SLC38A11: variants seen among roughly 807,000 people sequenced by gnomAD.
SLC38A11 encodes solute carrier family 38 member 11, also known as putative sodium-coupled neutral amino acid transporter 11.
In SLC38A11, 51 loss-of-function variants were observed where a neutral mutation model predicts 49.4. The observed-to-expected ratio is 1.03, with a 90% CI of 0.83 to 1.30. The LOEUF (loss-of-function observed/expected upper bound fraction) is 1.30. SLC38A11 is among the 50% of genes most tolerant of loss of function. The pLI is 0.00. For synonymous variants in SLC38A11, 203 were observed against 192.9 expected (o/e 1.05, Z -0.43); for missense variants, 574 against 556.2 (o/e 1.03, Z -0.32).
intron 3 of SLC38A11, among the ~76,000 whole-genome samples, chr2:164,949,509 C>T (rs1401208448): frequency 1.3e-5 from 2 of 152,196 alleles, no homozygotes; most frequent in African/African-American, 2.4e-5. Context: ...CCACGTGCCT[C>T]GGCCTCTCAA....
At position 164,910,268 on chromosome 2, in the gene SLC38A11, T is replaced by C. The variant is rs1414932934; in HGVS notation, c.963+1368A>G. On this transcript the variant is annotated intron_variant, in intron 10 of 11. Transcript: ENST00000685975. ...AAGTTTCAAGTACTAAACACAGAAG[T>C]TGTGCAGGTGAAGTGACTCAGATCG... Among the ~76,000 whole-genome samples, 6 of 152,168 alleles carry C rather than the reference T, an allele frequency of 3.9e-5. No individual in the cohort carries two copies. In the South Asian group the frequency reaches 6.2e-4, roughly 16 times the overall value.
intron 9 of SLC38A11, among the ~76,000 whole-genome samples, chr2:164,913,640 A>G (rs1347366278): frequency 6.8e-6 from 1 of 147,110 alleles, no homozygotes; most frequent in South Asian, 2.2e-4. Context: ...ACTGATAAAA[A>G]CTCCAGGAAG....
chr2:164,916,981 G>A (rs1172322433), intron 7 of SLC38A11, among the ~76,000 whole-genome samples: 2 of 152,144 alleles, frequency 1.3e-5, no homozygotes, highest in Admixed American at 6.6e-5. Context: ...TTAAGTGACT[G>A]TGTAGATTAA....
Position 164,896,516 on chromosome 2 carries a change from G to A in SLC38A11, c.*1921C>T, listed in dbSNP as rs1279640105. The A allele has an allele frequency of 1.3e-5, 2 of 152,126 alleles. No homozygotes were observed. The highest frequency in any genetic ancestry group is 4.8e-5 in the African/African-American group (2 of 41,442). 9.4% of individuals were successfully genotyped at this position (152,126 alleles called of 1,614,324 possible). ...TCAGTGTTTCTCAGTCTTGAGCAAT[G>A]TAATGACAGACTGTGGCAAAAATTT... On this transcript the variant is annotated 3_prime_UTR_variant, in exon 12 of 12. Transcript: ENST00000685975.
chr2:164,945,321 A>G (rs1294850647), intron 4 of SLC38A11, among the ~76,000 whole-genome samples: 2 of 139,398 alleles, frequency 1.4e-5, no homozygotes, highest in Non-Finnish European at 3.1e-5. Flanking sequence ...TTCACTCTTT[A>G]TTCTAGGTCA....
chr2:164,928,407 G>A (rs1250455822), intron 7 of SLC38A11, among the ~76,000 whole-genome samples: 1 of 152,092 alleles, frequency 6.6e-6, no homozygotes, highest in Admixed American at 6.6e-5. Context: ...CAAGTTGAAT[G>A]GGCTAAAACC....
chr2:164,914,963 C>G (rs1685667010), intron 9 of SLC38A11, 149 bp downstream of exon 9: 2 of 630,066 alleles, frequency 3.2e-6, no homozygotes, highest in South Asian at 3.9e-5. Flanking sequence ...AGGAAACAGA[C>G]AGCAGGGGGG....
chr2:164,945,742 T>G lies in SLC38A11; in HGVS notation c.230-15A>C. 6.3e-7 allele frequency: 1 copy of G among 1,599,192 alleles called. No individual in the cohort carries two copies. Among genetic ancestry groups the G allele is most frequent in the South Asian group, 1.2e-5 (1 of 86,926 alleles). On this transcript the variant is annotated splice_polypyrimidine_tract_variant and intron_variant, in intron 3 of 11. Coordinates refer to ENST00000685975, the MANE Select transcript of SLC38A11 (RefSeq NM_001351537.2). ...AAGGGAAAAGTCTGTGGCAAGAACA[T>G]CAATTAAATGTCAGATTACATGTAA...
chr2:164,953,241 G>A (rs927653257), intron 2 of SLC38A11: 2 of 152,414 alleles, frequency 1.3e-5, no homozygotes, highest in African/African-American at 4.8e-5. Flanking sequence ...TACTATGTAG[G>A]AAAAAAATGA....
intron 7 of SLC38A11, among the ~76,000 whole-genome samples, chr2:164,926,698 T>C (rs1302616850): frequency 6.6e-6 from 1 of 151,656 alleles, no homozygotes; most frequent in East Asian, 1.9e-4. Flanking sequence ...AAAGGATGAG[T>C]TCATGTCCTT....
chr2:164,939,915 C>G (rs1279996455), intron 5 of SLC38A11, among the ~76,000 whole-genome samples: 1 of 151,292 alleles, frequency 6.6e-6, no homozygotes, highest in Admixed American at 6.6e-5. Context: ...AACATTATGT[C>G]ACTCCCTGCC....
intron 7 of SLC38A11, among the ~76,000 whole-genome samples, chr2:164,931,796 G>A (rs753597544): frequency 6.6e-6 from 1 of 152,112 alleles, no homozygotes; most frequent in East Asian, 1.9e-4. Context: ...AGACTTAAAT[G>A]TAAAACTCAA....
chr2:164,904,248 A>T (rs762431048), intron 11 of SLC38A11, among the ~76,000 whole-genome samples: 12 of 152,192 alleles, frequency 7.9e-5, no homozygotes, highest in Non-Finnish European at 1.8e-4. Context: ...ATTACTGCAG[A>T]TGCCTCTTTT....
rs758473638 is a variant in SLC38A11, at chr2:164,911,762, T to A, written c.851-14A>T. 6 of 1,432,518 alleles carry A rather than the reference T, an allele frequency of 4.2e-6. No homozygotes were observed. In the South Asian group the frequency reaches 7.6e-5, roughly 18 times the overall value. The allele number at this position is 1,432,518 out of a possible 1,614,324, so 88.7% of individuals were successfully genotyped here. On this transcript the variant is annotated splice_polypyrimidine_tract_variant and intron_variant, in intron 9 of 11. Transcript: ENST00000685975. ...CAAATAAGTCCCCTAGATAGTAATA[T>A]AAAATAAGTTTATTTACTAGATACT...
intron 11 of SLC38A11, among the ~76,000 whole-genome samples, chr2:164,903,198 G>GAC (rs72532003): frequency 6.6e-6 from 1 of 151,924 alleles, no homozygotes; most frequent in Admixed American, 6.6e-5. Flanking sequence ...GTGTGTGTGT[G>GAC]TGTGTATGTG....
intron 7 of SLC38A11, among the ~76,000 whole-genome samples, chr2:164,930,794 A>G (rs995986295): frequency 6.6e-6 from 1 of 152,116 alleles, no homozygotes; most frequent in Non-Finnish European, 1.5e-5. Flanking sequence ...ACCACAGCCA[A>G]CATCATACTA....
chr2:164,941,794 G>A (rs552305181), intron 5 of SLC38A11, among the ~76,000 whole-genome samples: 1 of 152,064 alleles, frequency 6.6e-6, no homozygotes, highest in African/African-American at 2.4e-5. Flanking sequence ...TTCCATTAAA[G>A]CATATATATA....
Position 164,912,548 on chromosome 2 carries a change from A to G in SLC38A11, c.851-800T>C, listed in dbSNP as rs983789202. The G allele has an allele frequency of 7.2e-5, 11 of 152,226 alleles. No individual in the cohort carries two copies. The East Asian group carries it at 1.9e-3, about 27-fold the overall frequency. The allele number at this position is 152,226 out of a possible 1,614,324, so 9.4% of individuals were successfully genotyped here. On this transcript the variant is annotated intron_variant, in intron 9 of 11. Transcript: ENST00000685975. ...ATCCTGAAAGGAAGAGTAAACCAGT[A>G]CATCTGGGGAGCTGAATTTCCTGTG... is the stretch of plus-strand genomic sequence containing the variant.
intron 7 of SLC38A11, among the ~76,000 whole-genome samples, chr2:164,922,961 A>G (rs1686314814): frequency 6.6e-6 from 1 of 152,196 alleles, no homozygotes; most frequent in South Asian, 2.1e-4. Context: ...GTCGACAAAA[A>G]TAAGCAATGG....
Sources: gnomAD v4.1 joint callset for allele counts (sites outside exome capture counted in the v4.1 genomes callset) on GRCh38, gnomAD v4.1.1 for gene constraint, MANE v1.5 for transcripts, NCBI Gene and HGNC (gene_info 2026-07-23, HGNC 2026-07-21) for gene names.